The following LPP variants were observed in gnomAD, a reference collection of about 807,000 sequenced individuals.
The protein encoded by LPP is LIM domain containing preferred translocation partner in lipoma.
Under a neutral mutation model 60.4 loss-of-function variants are expected in LPP, and 38 were observed. The observed-to-expected ratio is 0.63, with a 90% CI of 0.49 to 0.83. LPP has a LOEUF of 0.83. Ranked by LOEUF, LPP falls within the 40% of genes least tolerant of loss-of-function variation. The pLI is 0.00. For synonymous variants in LPP, 328 were observed against 290.8 expected (o/e 1.13, Z -1.30); for missense variants, 902 against 783.6 (o/e 1.15, Z -1.80).
intron 6 of LPP, among the ~76,000 whole-genome samples, chr3:188,600,253 T>C (rs2151203153): frequency 6.7e-6 from 1 of 148,580 alleles, no homozygotes; most frequent in South Asian, 2.1e-4. Flanking sequence ...ATATAAGAAA[T>C]GTATAATATA....
chr3:188,451,336 G>A (rs1164475189), intron 4 of LPP, among the ~76,000 whole-genome samples: 1 of 152,204 alleles, frequency 6.6e-6, no homozygotes, highest in East Asian at 1.9e-4. Flanking sequence ...TGGGACTGTG[G>A]TCATAGAGAG....
chr3:188,622,025 A>G (rs1052551933), intron 7 of LPP, among the ~76,000 whole-genome samples: 4 of 152,192 alleles, frequency 2.6e-5, no homozygotes, highest in Non-Finnish European at 4.4e-5. Flanking sequence ...GGCACAGGTG[A>G]AAGATGAAAG....
chr3:188,856,085 G>C (rs920753679), intron 9 of LPP, among the ~76,000 whole-genome samples: 2 of 152,110 alleles, frequency 1.3e-5, no homozygotes, highest in Non-Finnish European at 2.9e-5. Flanking sequence ...GGTACCAGGG[G>C]CTTTGTTGGA....
At chr3:188,563,352 C>A (rs1226052889) in intron 6 of LPP, among the ~76,000 whole-genome samples, 6 of 151,868 alleles carry the variant, frequency 4.0e-5, no homozygotes, top group African/African-American at 1.5e-4. Flanking sequence ...CATTCATTTT[C>A]TCCCCTGCCA....
At chr3:188,570,369 A>G (rs1420058796) in intron 6 of LPP, among the ~76,000 whole-genome samples, 1 of 152,072 alleles carries the variant, frequency 6.6e-6, no homozygotes, top group African/African-American at 2.4e-5. Context: ...TTGTTTTTAA[A>G]AACTTAGTAT....
chr3:188,248,076 A>G (rs774784350), intron 2 of LPP, among the ~76,000 whole-genome samples: 13 of 151,916 alleles, frequency 8.6e-5, no homozygotes, highest in African/African-American at 2.4e-4. Flanking sequence ...TTTCGTATCA[A>G]TTTCTCTGAT....
At position 188,885,711 on chromosome 3, in the gene LPP, C is replaced by T. The variant is rs1214770272; in HGVS notation, c.*11232C>T. On this transcript the variant is annotated 3_prime_UTR_variant, in exon 12 of 12. Transcript: ENST00000617246. ...TAGTTCTAGATCCCTGAGGAATCTC[C>T]ACACTGACTTCCACAATGGTTGAAC... 6.6e-6 allele frequency: 1 copy of T among 152,506 alleles called. No individual in the cohort carries two copies. The highest frequency in any genetic ancestry group is 1.5e-5 in the Non-Finnish European group (1 of 68,232). The allele number at this position is 152,506 out of a possible 1,614,324, so 9.4% of individuals were successfully genotyped here. A position where few individuals can be genotyped will look rare whatever the true frequency, so the allele number is the denominator to read the frequency against.
At chr3:188,756,227 AT>A (rs1730177465) in intron 8 of LPP, among the ~76,000 whole-genome samples, 2 of 152,210 alleles carry the variant, frequency 1.3e-5, no homozygotes, top group African/African-American at 4.8e-5. Context: ...GTACAAAGCA[AT>A]ATATAAAATA....
chr3:188,731,724 A>G (rs1339270715), intron 8 of LPP, among the ~76,000 whole-genome samples: 1 of 151,954 alleles, frequency 6.6e-6, no homozygotes, highest in Non-Finnish European at 1.5e-5. Context: ...GGGTTTCACC[A>G]TGCTGGCCAG....
At chr3:188,191,465 G>A (rs996747813) in intron 1 of LPP, among the ~76,000 whole-genome samples, 1 of 152,206 alleles carries the variant, frequency 6.6e-6, no homozygotes. Context: ...ACCATTAAAG[G>A]TGTGGAGCCA....
intron 6 of LPP, among the ~76,000 whole-genome samples, chr3:188,581,702 T>G (rs191579644): frequency 2.0e-5 from 3 of 152,210 alleles, no homozygotes; most frequent in East Asian, 1.9e-4. Context: ...ATACCCTGGA[T>G]CTTATCATTG....
intron 8 of LPP, among the ~76,000 whole-genome samples, chr3:188,746,250 T>A (rs1306906594): frequency 6.6e-6 from 1 of 152,164 alleles, no homozygotes; most frequent in Non-Finnish European, 1.5e-5. Context: ...GCTTCTCTAG[T>A]CCCTTAATCA....
chr3:188,174,051 T>C (rs1394454027), intron 1 of LPP, among the ~76,000 whole-genome samples: 1 of 152,210 alleles, frequency 6.6e-6, no homozygotes, highest in Non-Finnish European at 1.5e-5. Flanking sequence ...TGCCCACTTT[T>C]AGCACAGCCT....
chr3:188,640,285 A>G (rs973590214), intron 7 of LPP, among the ~76,000 whole-genome samples: 3 of 149,906 alleles, frequency 2.0e-5, no homozygotes, highest in Admixed American at 6.7e-5. Context: ...ACCAAACACC[A>G]CATATTCTCA....
intron 7 of LPP, among the ~76,000 whole-genome samples, chr3:188,640,379 G>A (rs1383412582): frequency 9.4e-6 from 1 of 106,796 alleles, no homozygotes; most frequent in East Asian, 3.2e-4. Flanking sequence ...GGGGTGGGGG[G>A]AGGGGGGAGG....
rs1380113135 is a variant in LPP, at chr3:188,881,790, T to C, written c.*7311T>C. 4.6e-6 allele frequency: 1 copy of C among 219,762 alleles called. No individual in the cohort carries two copies. Among genetic ancestry groups the C allele is most frequent in the Non-Finnish European group, 9.1e-6 (1 of 109,690 alleles). The allele number at this position is 219,762 out of a possible 1,614,324, so 13.6% of individuals were successfully genotyped here. A position where few individuals can be genotyped will look rare whatever the true frequency, so the allele number is the denominator to read the frequency against. ...TTCAGAATAAGACATTTTTCCTCCA[T>C]ATTTTCATATTAAATATTAACACTT... On this transcript the variant is annotated 3_prime_UTR_variant, in exon 12 of 12. Transcript: ENST00000617246.
chr3:188,517,808 C>G (rs1199603545), intron 5 of LPP, among the ~76,000 whole-genome samples: 1 of 152,014 alleles, frequency 6.6e-6, no homozygotes, highest in Non-Finnish European at 1.5e-5. Flanking sequence ...TTGTTCCTTC[C>G]CATAACATGG....
rs1293372182 is a variant in LPP, at chr3:188,881,582, A to G, written c.*7103A>G. On this transcript the variant is annotated 3_prime_UTR_variant, in exon 12 of 12. Transcript: ENST00000617246. The stretch of plus-strand genomic sequence containing the variant: ...AGACCCAGAAGTGTAAAAGCTACAG[A>G]AGGATAGAACTCCCATGTCTACAGA... The G allele has an allele frequency of 4.6e-6, 1 of 217,114 alleles. No individual in the cohort carries two copies. Among genetic ancestry groups the G allele is most frequent in the African/African-American group, 2.2e-5 (1 of 44,522 alleles). The allele number at this position is 217,114 out of a possible 1,614,324, so 13.4% of individuals were successfully genotyped here. A position where few individuals can be genotyped will look rare whatever the true frequency, so the allele number is the denominator to read the frequency against.
At chr3:188,211,969 C>G (rs567629481) in intron 1 of LPP, among the ~76,000 whole-genome samples, 5 of 152,264 alleles carry the variant, frequency 3.3e-5, no homozygotes, top group South Asian at 4.1e-4. Flanking sequence ...AGTGATACTC[C>G]TGCCTCAGCC....
Sources: gnomAD v4.1 joint callset for allele counts (sites outside exome capture counted in the v4.1 genomes callset) on GRCh38, gnomAD v4.1.1 for gene constraint, MANE v1.5 for transcripts, NCBI Gene and HGNC (gene_info 2026-07-23, HGNC 2026-07-21) for gene names.